The following ERBB4 variants were observed in gnomAD, a reference collection of about 807,000 sequenced individuals.
ERBB4 encodes erb-b2 receptor tyrosine kinase 4.
Under a neutral mutation model 158.0 loss-of-function variants are expected in ERBB4, and 42 were observed. The ratio of observed to expected loss-of-function variants is 0.27; its 90% CI spans 0.21 to 0.34. The LOEUF (loss-of-function observed/expected upper bound fraction) is 0.34, where lower values mean the gene tolerates loss of function less well. Ranked by LOEUF, ERBB4 falls within the 10% of genes least tolerant of loss-of-function variation. The pLI, the probability that ERBB4 is intolerant of heterozygous loss-of-function variation, is 1.00. For missense variants in ERBB4, 1,333 were observed against 1,624.1 expected, an observed-to-expected ratio of 0.82 and a Z score of 3.08; for synonymous variants, 583 against 558.7, an observed-to-expected ratio of 1.04 and a Z score of -0.61.
intron 1 of ERBB4, among the ~76,000 whole-genome samples, chr2:212,281,100 T>A (rs1337981003): frequency 2.0e-5 from 3 of 151,618 alleles, no homozygotes; most frequent in Non-Finnish European, 3.0e-5. Flanking sequence ...CTGAAAGCCC[T>A]TCTTTTTTTT....
At chr2:212,261,364 G>T (rs1474745011) in intron 1 of ERBB4, among the ~76,000 whole-genome samples, 1 of 152,088 alleles carries the variant, frequency 6.6e-6, no homozygotes, top group Non-Finnish European at 1.5e-5. Context: ...TCAATCTTAG[G>T]TAGGACTGAG....
intron 20 of ERBB4, among the ~76,000 whole-genome samples, chr2:211,548,189 G>A (rs539059401): frequency 6.6e-5 from 10 of 151,926 alleles, no homozygotes; most frequent in East Asian, 5.8e-4. Context: ...AAAATTTGGC[G>A]CATAAATAAA....
intron 1 of ERBB4, among the ~76,000 whole-genome samples, chr2:212,434,737 T>C (rs2092100477): frequency 6.6e-6 from 1 of 152,014 alleles, no homozygotes; most frequent in African/African-American, 2.4e-5. Flanking sequence ...TTTGTAATCT[T>C]ATAATATGGA....
chr2:211,645,506 T>C (rs1313465139), intron 16 of ERBB4, among the ~76,000 whole-genome samples: 1 of 151,692 alleles, frequency 6.6e-6, no homozygotes, highest in Non-Finnish European at 1.5e-5. Flanking sequence ...CCATCTAGGA[T>C]TACTTGAAAC....
At chr2:212,320,542 C>T (rs10205303) in intron 1 of ERBB4, among the ~76,000 whole-genome samples, 17,160 of 146,930 alleles carry the variant, frequency 0.12, 2,147 homozygotes, top group African/African-American at 0.27. Flanking sequence ...AAGATTCTGG[C>T]TATTATATTC....
At chr2:211,767,399 C>T (rs1013649122) in intron 4 of ERBB4, among the ~76,000 whole-genome samples, 5 of 152,110 alleles carry the variant, frequency 3.3e-5, no homozygotes, top group African/African-American at 7.2e-5. Flanking sequence ...TGGAATGCTT[C>T]GTAAATCTCT....
chr2:211,510,795 G>A (rs1403657010), intron 20 of ERBB4, among the ~76,000 whole-genome samples: 2 of 151,816 alleles, frequency 1.3e-5, no homozygotes, highest in Admixed American at 1.3e-4. Context: ...AGAAATTTCT[G>A]AGATCAGAGA....
At chr2:211,772,832 T>TACAC (rs375823677) in intron 4 of ERBB4, among the ~76,000 whole-genome samples, 5 of 14,228 alleles carry the variant, frequency 3.5e-4, no homozygotes, top group African/African-American at 1.7e-3. Context: ...TATATATATA[T>TACAC]ATACACATAT....
intron 19 of ERBB4, among the ~76,000 whole-genome samples, chr2:211,611,179 A>C (rs745579685): frequency 6.6e-6 from 1 of 152,100 alleles, no homozygotes; most frequent in Non-Finnish European, 1.5e-5. Flanking sequence ...AAAATGAGCC[A>C]CAGCTGCAAG....
chr2:212,229,415 T>C (rs892017574), intron 1 of ERBB4, among the ~76,000 whole-genome samples: 1 of 152,128 alleles, frequency 6.6e-6, no homozygotes, highest in Non-Finnish European at 1.5e-5. Context: ...GAAACATATA[T>C]GCAAAAGTGC....
intron 2 of ERBB4, among the ~76,000 whole-genome samples, chr2:212,076,640 G>A (rs927451295): frequency 6.6e-6 from 1 of 151,884 alleles, no homozygotes; most frequent in African/African-American, 2.4e-5. Context: ...TTCTTTGCAA[G>A]AGGTATGCTA....
At chr2:211,949,851 T>C (rs1045077302) in intron 2 of ERBB4, among the ~76,000 whole-genome samples, 1 of 152,160 alleles carries the variant, frequency 6.6e-6, no homozygotes, top group Non-Finnish European at 1.5e-5. Context: ...ATTCTCATAT[T>C]TTCCCATTAC....
At position 212,131,292 on chromosome 2, in the gene ERBB4, A is replaced by T. The variant is rs911498863; in HGVS notation, c.83-6389T>A. Among the ~76,000 whole-genome samples, 12 of 152,318 alleles carry T rather than the reference A, an allele frequency of 7.9e-5. 1 individual carries two copies. Among genetic ancestry groups the T allele is most frequent in the Admixed American group, 7.8e-4 (12 of 15,292 alleles). Reference sequence around the variant, plus strand: ...TGCCCCATTAATTAATTCGCAACCCAGAGAACAGAATAATATTTTTAAAAA... The same window carrying T: ...TGCCCCATTAATTAATTCGCAACCCTGAGAACAGAATAATATTTTTAAAAA... On this transcript the variant is annotated intron_variant, in intron 1 of 27. Transcript: ENST00000342788.
intron 9 of ERBB4, among the ~76,000 whole-genome samples, chr2:211,707,862 G>T (rs1481640001): frequency 6.6e-6 from 1 of 151,926 alleles, no homozygotes; most frequent in African/African-American, 2.4e-5. Context: ...AATATATTTT[G>T]TGGAGAAACT....
chr2:211,835,257 G>T (rs1374863715), intron 3 of ERBB4, among the ~76,000 whole-genome samples: 1 of 152,076 alleles, frequency 6.6e-6, no homozygotes, highest in African/African-American at 2.4e-5. Context: ...ATCTTTTGAA[G>T]GCTGATGGAG....
intron 16 of ERBB4, among the ~76,000 whole-genome samples, chr2:211,655,476 T>C (rs1470472726): frequency 6.6e-6 from 1 of 152,172 alleles, no homozygotes; most frequent in African/African-American, 2.4e-5. Context: ...GAGGCTCAGA[T>C]AATTTAAGGA....
chr2:211,463,418 T>G (rs2064588506), intron 20 of ERBB4, among the ~76,000 whole-genome samples: 1 of 152,168 alleles, frequency 6.6e-6, no homozygotes, highest in Non-Finnish European at 1.5e-5. Flanking sequence ...TGGGGAATTT[T>G]GAAGGTGCTA....
At chr2:212,489,288 C>T (rs571125163) in intron 1 of ERBB4, among the ~76,000 whole-genome samples, 2 of 151,968 alleles carry the variant, frequency 1.3e-5, no homozygotes, top group South Asian at 4.2e-4. Context: ...TTTTCCCTGT[C>T]AGCTCATTCT....
intron 1 of ERBB4, among the ~76,000 whole-genome samples, chr2:212,461,493 A>G (rs1688572318): frequency 6.6e-6 from 1 of 152,156 alleles, no homozygotes; most frequent in Non-Finnish European, 1.5e-5. Flanking sequence ...GAATGACTGT[A>G]TATACCCAAT....
Sources: allele counts gnomAD v4.1 joint callset (sites outside exome capture counted in the v4.1 genomes callset), GRCh38; gene constraint gnomAD v4.1.1; transcripts MANE v1.5; gene names NCBI Gene and HGNC (gene_info 2026-07-23, HGNC 2026-07-21).